The following NOX1 variants were observed in gnomAD, a reference collection of about 807,000 sequenced individuals.
NOX1 encodes the protein NADH/NADPH mitogenic oxidase subunit P65-MOX.
Under a neutral mutation model 42.5 loss-of-function variants are expected in NOX1, and 34 were observed. The observed-to-expected ratio is 0.80, with a 90% confidence interval of 0.61 to 1.07. The LOEUF (loss-of-function observed/expected upper bound fraction) is 1.07, where lower values mean the gene tolerates loss of function less well. NOX1 is among the 50% of genes least tolerant of loss of function. The pLI is 0.00. For missense variants in NOX1, 408 were observed against 427.0 expected, an observed-to-expected ratio of 0.96 and a Z score of 0.39; for synonymous variants, 143 against 152.5, an observed-to-expected ratio of 0.94 and a Z score of 0.46.
chrX:100,850,119 G>A lies in NOX1; in HGVS notation c.1133+32C>T, dbSNP rs749428040. 1.3e-5 allele frequency: 15 copies of A among 1,116,786 alleles called. No homozygotes were observed. The South Asian group carries it at 2.7e-4, about 20-fold the overall frequency. The allele number at this position is 1,116,786 out of a possible 1,213,427, so 92.0% of individuals were successfully genotyped here. ...TCTCTTTTCTGCCAGTCTGCATCCT[G>A]GTCTGGGACTCTCCTGGTCTCAAGG... On this transcript the variant is annotated intron_variant, in intron 9 of 12. Coordinates refer to ENST00000372966, the MANE Select transcript of NOX1 (RefSeq NM_007052.5).
At chrX:100,862,880 G>A (rs1000272898) in intron 4 of NOX1, 60 bp from the exon 5 acceptor site, 8 of 1,036,763 alleles carry the variant, frequency 7.7e-6, no homozygotes, top group Non-Finnish European at 6.7e-6. Context: ...TGGCAGGTGT[G>A]CCCCACTAGA....
intron 1 of NOX1, among the ~76,000 whole-genome samples, chrX:100,873,136 A>G (rs1226838062): frequency 9.0e-6 from 1 of 110,677 alleles, no homozygotes; most frequent in Non-Finnish European, 1.9e-5. Context: ...GAAAAGAGAA[A>G]GAGTAATGAA....
At chrX:100,867,973 G>GA (rs201595306) in intron 2 of NOX1, among the ~76,000 whole-genome samples, 20 of 109,111 alleles carry the variant, frequency 1.8e-4, no homozygotes, top group Non-Finnish European at 5.7e-5. Flanking sequence ...AAATAATTTT[G>GA]AAAAAAAAAT....
intron 1 of NOX1, among the ~76,000 whole-genome samples, chrX:100,873,430 G>A (rs1369628527): frequency 8.9e-6 from 1 of 111,989 alleles, no homozygotes; most frequent in Non-Finnish European, 1.9e-5. Context: ...CTACCCACAT[G>A]GGGCTGCTGA....
chrX:100,862,398 C>T lies in NOX1; in HGVS notation c.665G>A (p.Gly222Asp), dbSNP rs1347527757. ...GAGGGTTCGAGGATCTTACCCAATG[C>T]CGTGAATCCCTAAGCCAAGGATATA... ...IFYILGLGIH[G>D]IGGIVRGQTE... Residue 222 changes from glycine to aspartate, a missense_variant, in exon 6 of 13, where the codon GGC (glycine) becomes GAC (aspartate). Coordinates refer to ENST00000372966, the MANE Select transcript of NOX1 (RefSeq NM_007052.5). The T allele has an allele frequency of 8.3e-7, 1 of 1,210,300 alleles. No homozygotes were observed. The highest frequency in any genetic ancestry group is 2.2e-5 in the Admixed American group (1 of 45,979).
At chrX:100,845,708 C>T (rs1448028248) in intron 12 of NOX1, among the ~76,000 whole-genome samples, 4 of 104,525 alleles carry the variant, frequency 3.8e-5, no homozygotes, top group Admixed American at 2.1e-4. Context: ...CTCCACCTCC[C>T]GGGTTCAAGC....
intron 7 of NOX1, among the ~76,000 whole-genome samples, chrX:100,853,249 CCTTCCTTCCTTCCTTT>C (rs775185541): frequency 0.028 from 1,458 of 51,886 alleles, 54 homozygotes; most frequent in Middle Eastern, 0.074. Context: ...TTCTTTCCTT[CCTTCCTTCCTTCCTTT>C]CTTTCTTTCT....
At chrX:100,844,657 T>G (rs2085060148) in intron 12 of NOX1, among the ~76,000 whole-genome samples, 1 of 111,355 alleles carries the variant, frequency 9.0e-6, no homozygotes, top group Non-Finnish European at 1.9e-5. Context: ...GGTCTCAAAC[T>G]CCTGACCTCA....
At chrX:100,850,090 G>T in intron 9 of NOX1, 61 bp downstream of exon 9, 1 of 1,042,506 alleles carries the variant, frequency 9.6e-7, no homozygotes, top group Non-Finnish European at 1.3e-6. Flanking sequence ...ACGAAGAATT[G>T]CTTTCTCTTT....
Position 100,843,970 on chromosome X carries a change from G to A in NOX1, c.1677C>T (p.Phe559=), listed in dbSNP as rs1052396286. 8 of 1,204,066 alleles carry A rather than the reference G, an allele frequency of 6.6e-6. No homozygotes were observed. Among genetic ancestry groups the A allele is most frequent in the Non-Finnish European group, 9.0e-6 (8 of 890,551 alleles). Residue 559 remains phenylalanine, a synonymous_variant, in exon 13 of 13, where the codon TTC becomes TTT. Coordinates refer to ENST00000372966, the MANE Select transcript of NOX1 (RefSeq NM_007052.5). The part of the protein sequence containing the change: ...SLDPRKVQFY[F]NKENF Reference sequence around the variant, plus strand: ...CTATAACTCAAAAATTTTCTTTGTTGAAGTAGAATTGAACCTTTCTAGGAT... The same window carrying A: ...CTATAACTCAAAAATTTTCTTTGTTAAAGTAGAATTGAACCTTTCTAGGAT...
intron 7 of NOX1, chrX:100,856,165 C>T (rs777414259): frequency 2.2e-6 from 2 of 922,824 alleles, no homozygotes; most frequent in Admixed American, 2.2e-5. Context: ...GCCTTGCGTT[C>T]GTGGCTGCAT....
rs1490454341 is a variant in NOX1 at position 100,844,012 on chromosome X, G to C, written c.1635C>G (p.His545Gln). 6.7e-6 allele frequency: 8 copies of C among 1,202,573 alleles called. No individual in the cohort carries two copies. Among genetic ancestry groups the C allele is most frequent in the Non-Finnish European group, 9.0e-6 (8 of 889,012 alleles). ...TLAKSLRKCC[H>Q]RYSSLDPRKV... is the part of the protein sequence containing the mutation. ...TTCTAGGATCCAGACTGGAATATCG[G>C]TGACAGCATTTGCGCAGGCTCTTTG... Residue 545 changes from histidine (H) to glutamine (Q), a missense_variant, in exon 13 of 13, where the codon CAC (histidine) becomes CAG (glutamine). Transcript: ENST00000372966.
intron 7 of NOX1, among the ~76,000 whole-genome samples, chrX:100,860,916 T>G (rs2085199095): frequency 9.0e-6 from 1 of 111,048 alleles, no homozygotes. Flanking sequence ...TTTTTGTATT[T>G]TTTGTAGAGA....
intron 1 of NOX1, among the ~76,000 whole-genome samples, chrX:100,873,093 GTTTT>G (rs1392466239): frequency 7.3e-5 from 8 of 109,881 alleles, no homozygotes; most frequent in Non-Finnish European, 1.5e-4. Flanking sequence ...TCTCTCTTCT[GTTTT>G]GCCTGTGGGA....
chrX:100,868,323 G>A (rs1288846748), intron 2 of NOX1, among the ~76,000 whole-genome samples: 1 of 111,919 alleles, frequency 8.9e-6, no homozygotes, highest in African/African-American at 3.2e-5. Flanking sequence ...AAAAGCTACT[G>A]AAAAAATGAC....
chrX:100,843,635 G>A lies in NOX1; in HGVS notation c.*317C>T. On this transcript the variant is annotated 3_prime_UTR_variant, in exon 13 of 13. Coordinates refer to ENST00000372966, the MANE Select transcript of NOX1 (RefSeq NM_007052.5). ...GAATTGATAAAATCACCTGGGATTA[G>A]TTGTATAACTCTGAACCACCAAACC... 2.1e-6 allele frequency: 1 copy of A among 471,998 alleles called. No individual in the cohort carries two copies. Among genetic ancestry groups the A allele is most frequent in the South Asian group, 5.5e-5 (1 of 18,324 alleles). The allele number at this position is 471,998 out of a possible 1,213,427, so 38.9% of individuals were successfully genotyped here. A position where few individuals can be genotyped will look rare whatever the true frequency, so the allele number is the denominator to read the frequency against.
Position 100,843,592 on chromosome X carries a change from C to G in NOX1, c.*360G>C. The G allele has an allele frequency of 1.6e-6, 1 of 635,355 alleles. No individual in the cohort carries two copies. Among genetic ancestry groups the G allele is most frequent in the Non-Finnish European group, 2.2e-6 (1 of 449,816 alleles). 52.4% of individuals were successfully genotyped at this position (635,355 alleles called of 1,213,427 possible). ...GGACAAAAGATTACAAACCAAAACT[C>G]AGGAGATGGTAACACTGGAATTGAT... On this transcript the variant is annotated 3_prime_UTR_variant, in exon 13 of 13. Coordinates refer to ENST00000372966, the MANE Select transcript of NOX1 (RefSeq NM_007052.5).
intron 10 of NOX1, 150 bp from the exon 11 acceptor site, chrX:100,849,576 A>T: frequency 1.4e-6 from 1 of 712,725 alleles, no homozygotes; most frequent in African/African-American, 2.2e-5. Flanking sequence ...GGGTGATCTT[A>T]AACTCCAAAT....
chrX:100,853,245 CCTTCCTTCCTTCCTTCCTTTCTTTCTTT>C (rs1296602210), intron 7 of NOX1, among the ~76,000 whole-genome samples: 1 of 43,710 alleles, frequency 2.3e-5, no homozygotes, highest in Non-Finnish European at 3.9e-5. Flanking sequence ...TTCTTTCTTT[CCTTCCTTCCTTCCTTCCTTTCTTTCTTT>C]CTTTCTTTCT....
Sources: allele counts gnomAD v4.1 joint callset (sites outside exome capture counted in the v4.1 genomes callset), GRCh38; gene constraint gnomAD v4.1.1; transcripts MANE v1.5; gene names NCBI Gene and HGNC (gene_info 2026-07-23, HGNC 2026-07-21).